The following CYTIP variants were observed in gnomAD, a reference collection of about 807,000 sequenced individuals.
The protein encoded by CYTIP is cytohesin 1 interacting protein.
CYTIP carries 26 observed loss-of-function variants against 43.8 expected under a neutral mutation model. The ratio of observed to expected loss-of-function variants is 0.59; its 90% CI spans 0.44 to 0.82. The LOEUF is 0.82. Among genes scored for constraint, CYTIP ranks in the 40% least tolerant of loss-of-function variants. The pLI is 0.00. For missense variants in CYTIP, 426 were observed against 443.1 expected (o/e 0.96, Z 0.35); for synonymous variants, 162 against 162.9 (o/e 0.99, Z 0.04).
rs1404349357 is a variant in CYTIP, at chr2:157,415,764, C to T, written c.993G>A (p.Lys331=). ...LSSMFGTLPR[K]SRKGSVRKQL... The stretch of plus-strand genomic sequence containing the variant: ...GCTTTCGGACACTTCCCTTTCTGCT[C>T]TTCCGGGGCAGGGTCCCAAACATGC... Residue 331 remains lysine, a synonymous_variant, in exon 8 of 8, where the codon AAG becomes AAA. Coordinates refer to ENST00000264192, the MANE Select transcript of CYTIP (RefSeq NM_004288.5). 5 of 1,614,104 alleles carry T rather than the reference C, an allele frequency of 3.1e-6. No individual in the cohort carries two copies. Among genetic ancestry groups the T allele is most frequent in the Middle Eastern group, 1.6e-4 (1 of 6,084 alleles).
At chr2:157,440,700 T>G (rs986177994) in intron 1 of CYTIP, among the ~76,000 whole-genome samples, 56 of 152,180 alleles carry the variant, frequency 3.7e-4, no homozygotes, top group African/African-American at 9.9e-4. Context: ...AGCAATAATG[T>G]GATAACTAAA....
intron 1 of CYTIP, among the ~76,000 whole-genome samples, chr2:157,441,762 G>A (rs933003390): frequency 2.0e-5 from 3 of 152,018 alleles, no homozygotes; most frequent in African/African-American, 4.8e-5. Context: ...TGACTCCTCC[G>A]TCTTCAGTCC....
rs1480680508 is a variant in CYTIP at position 157,443,928 on chromosome 2, G to A, written c.93C>T (p.Thr31=). Residue 31 remains threonine, a synonymous_variant, in exon 1 of 8, where the codon ACC becomes ACT. Transcript: ENST00000264192. ...GPAYSSYSTL[T]GSLTMDDNRR... The stretch of plus-strand genomic sequence containing the variant: ...TATTATCGTCCATCGTAAGGCTGCC[G>A]GTGAGTGTGGAGTAAGAGCTATACG... 6.8e-6 allele frequency: 11 copies of A among 1,614,138 alleles called. No individual in the cohort carries two copies. The highest frequency in any genetic ancestry group is 5.0e-5 in the Admixed American group (3 of 60,008).
At chr2:157,434,833 T>TCC (rs1573861147) in intron 1 of CYTIP, 86 bp from the exon 2 acceptor site, 2 of 467,832 alleles carry the variant, frequency 4.3e-6, no homozygotes, top group African/African-American at 5.0e-5. Flanking sequence ...TCTCTCTCTC[T>TCC]CTCTCTCTCT....
At chr2:157,434,789 A>G in intron 1 of CYTIP, 42 bp from the exon 2 acceptor site, 1 of 1,452,598 alleles carries the variant, frequency 6.9e-7, no homozygotes, top group South Asian at 1.2e-5. Context: ...AGGGTCTTCA[A>G]GATACACTGT....
chr2:157,435,353 A>T (rs1685793948), intron 1 of CYTIP, among the ~76,000 whole-genome samples: 1 of 152,234 alleles, frequency 6.6e-6, no homozygotes, highest in South Asian at 2.1e-4. Flanking sequence ...AATTCAGGTA[A>T]AACCAGGAAC....
At chr2:157,428,740 T>C (rs1180754785) in intron 5 of CYTIP, among the ~76,000 whole-genome samples, 1 of 152,218 alleles carries the variant, frequency 6.6e-6, no homozygotes, top group Non-Finnish European at 1.5e-5. Context: ...CAGGGTTCTC[T>C]AGAGCAAAAG....
Position 157,414,919 on chromosome 2 carries a change from T to A in CYTIP, c.*758A>T, listed in dbSNP as rs1032966007. 2 of 152,132 alleles carry A rather than the reference T, an allele frequency of 1.3e-5. No homozygotes were observed. The highest frequency in any genetic ancestry group is 6.6e-5 in the Admixed American group (1 of 15,264). 9.4% of individuals were successfully genotyped at this position (152,132 alleles called of 1,614,324 possible). On this transcript the variant is annotated 3_prime_UTR_variant, in exon 8 of 8. Transcript: ENST00000264192. ...ATGTTAGACATTTGTAGAAAAAAAA[T>A]TACAAAGCTGTAGGATTCGGAGAGT...
intron 6 of CYTIP, among the ~76,000 whole-genome samples, chr2:157,425,792 T>C (rs1357683790): frequency 1.3e-5 from 2 of 152,106 alleles, no homozygotes; most frequent in South Asian, 4.1e-4. Context: ...ACAAATTAAC[T>C]TTAAATTCAA....
chr2:157,427,270 C>A, intron 6 of CYTIP, 81 bp downstream of exon 6: 1 of 1,161,050 alleles, frequency 8.6e-7, no homozygotes, highest in South Asian at 1.4e-5. Flanking sequence ...AGGGCTATCT[C>A]AGTTCCTCAA....
At chr2:157,431,672 T>C (rs1478468560) in intron 3 of CYTIP, among the ~76,000 whole-genome samples, 1 of 152,228 alleles carries the variant, frequency 6.6e-6, no homozygotes, top group African/African-American at 2.4e-5. Flanking sequence ...AGTGTCCCAA[T>C]GACCTATAAC....
Position 157,418,603 on chromosome 2 carries a change from A to AG in CYTIP, c.547-15_547-14insC. 6.5e-7 allele frequency: 1 copy of AG among 1,540,630 alleles called. No homozygotes were observed. Among genetic ancestry groups the AG allele is most frequent in the Non-Finnish European group, 8.7e-7 (1 of 1,145,928 alleles). On this transcript the variant is annotated splice_polypyrimidine_tract_variant and intron_variant, in intron 6 of 7. Coordinates refer to ENST00000264192, the MANE Select transcript of CYTIP (RefSeq NM_004288.5). ...TTTCAAAGTTTGCTGTGAGATTAAA[A>AG]AAAAAAAAAAAAAGTTTTTATTATT...
chr2:157,416,221 TTGAA>T (rs111653507), intron 7 of CYTIP, 78 bp from the exon 8 acceptor site: 1 of 1,188,438 alleles, frequency 8.4e-7, no homozygotes, highest in African/African-American at 1.5e-5. Context: ...AAACTTCTCT[TTGAA>T]TGACACGAGA....
chr2:157,423,751 G>A (rs543418215), intron 6 of CYTIP, among the ~76,000 whole-genome samples: 20 of 152,038 alleles, frequency 1.3e-4, no homozygotes, highest in East Asian at 5.8e-4. Context: ...TTAGCAAATC[G>A]AACCTGTAAT....
In CYTIP at chr2:157,438,806, T is replaced by C. The variant is rs113825655; in HGVS notation, c.175-4059A>G. 724 of 178,142 alleles carry C rather than the reference T, an allele frequency of 4.1e-3. 3 individuals carry two copies. Among genetic ancestry groups the C allele is most frequent in the Admixed American group, 6.3e-3 (106 of 16,814 alleles). The allele number at this position is 178,142 out of a possible 1,614,324, so 11.0% of individuals were successfully genotyped here. ...ACAAAGATAGTAGTGCCTTAGTACA[T>C]AGCTGCTAAGTGGATGAATGGTGGC... On this transcript the variant is annotated intron_variant, in intron 1 of 7. Transcript: ENST00000264192.
At chr2:157,440,059 A>C (rs1469946848) in intron 1 of CYTIP, among the ~76,000 whole-genome samples, 2 of 152,132 alleles carry the variant, frequency 1.3e-5, no homozygotes, top group East Asian at 3.9e-4. Flanking sequence ...CCCACTCTAT[A>C]TACTCATCTC....
chr2:157,416,942 C>T (rs1313904931), intron 7 of CYTIP, among the ~76,000 whole-genome samples: 1 of 151,950 alleles, frequency 6.6e-6, no homozygotes, highest in African/African-American at 2.4e-5. Flanking sequence ...TGCTTCCACA[C>T]TAACTGAGTT....
intron 7 of CYTIP, among the ~76,000 whole-genome samples, chr2:157,417,155 A>C (rs1685450186): frequency 6.6e-6 from 1 of 152,246 alleles, no homozygotes; most frequent in Non-Finnish European, 1.5e-5. Flanking sequence ...CAATATAAAA[A>C]GAAACTGTTC....
At chr2:157,422,871 A>G (rs1001183565) in intron 6 of CYTIP, among the ~76,000 whole-genome samples, 1 of 152,138 alleles carries the variant, frequency 6.6e-6, no homozygotes, top group African/African-American at 2.4e-5. Flanking sequence ...GAAATAACAC[A>G]TTCTGTACAG....
Sources: gnomAD v4.1 joint callset for allele counts (sites outside exome capture counted in the v4.1 genomes callset) on GRCh38, gnomAD v4.1.1 for gene constraint, MANE v1.5 for transcripts, NCBI Gene and HGNC (gene_info 2026-07-23, HGNC 2026-07-21) for gene names.